The following OSBPL10 variants were observed in gnomAD, a reference collection of about 807,000 sequenced individuals.
The protein encoded by OSBPL10 is oxysterol binding protein like 10.
In OSBPL10, 49 loss-of-function variants were observed where a neutral mutation model predicts 81.7. That is an observed-to-expected ratio of 0.60 (90% confidence interval 0.48 to 0.76). OSBPL10 has a LOEUF of 0.76. Ranked by LOEUF, OSBPL10 falls within the 30% of genes least tolerant of loss-of-function variation. OSBPL10 has a pLI of 0.00. For synonymous variants in OSBPL10, 419 were observed against 383.6 expected, an observed-to-expected ratio of 1.09 and a Z score of -1.08; for missense variants, 923 against 987.8, an observed-to-expected ratio of 0.93 and a Z score of 0.88.
In OSBPL10 at chr3:31,837,746, C is replaced by T. The variant is rs187796983; in HGVS notation, c.538-7515G>A. On this transcript the variant is annotated intron_variant, in intron 3 of 11. Transcript: ENST00000396556. ...TTCCTTCATATCAACGATAACCAAT[C>T]AGAAAATAGAAAATAAGATATCATT... is the stretch of plus-strand genomic sequence containing the variant. Among the ~76,000 whole-genome samples, 12 of 149,778 alleles carry T rather than the reference C, an allele frequency of 8.0e-5. No individual in the cohort carries two copies. The East Asian group carries it at 2.2e-3, about 27-fold the overall frequency.
At chr3:31,862,652 T>C (rs1204017322) in intron 3 of OSBPL10, among the ~76,000 whole-genome samples, 1 of 152,194 alleles carries the variant, frequency 6.6e-6, no homozygotes, top group African/African-American at 2.4e-5. Context: ...CCGAAGAGTA[T>C]ATATGAATGG....
chr3:31,924,518 C>T (rs932993738), intron 1 of OSBPL10, among the ~76,000 whole-genome samples: 4 of 152,042 alleles, frequency 2.6e-5, no homozygotes, highest in African/African-American at 9.7e-5. Context: ...AAATCTCTCC[C>T]GTAAAATTGA....
At chr3:31,963,734 T>C (rs1050345796) in intron 1 of OSBPL10, among the ~76,000 whole-genome samples, 1 of 152,210 alleles carries the variant, frequency 6.6e-6, no homozygotes, top group African/African-American at 2.4e-5. Flanking sequence ...CTCCAAGATA[T>C]GACTTAGTCC....
chr3:31,964,016 C>T (rs1041565861), intron 1 of OSBPL10, among the ~76,000 whole-genome samples: 6 of 152,030 alleles, frequency 3.9e-5, no homozygotes, highest in African/African-American at 1.4e-4. Flanking sequence ...CAAAGCACAT[C>T]CAAACCAAGA....
intron 1 of OSBPL10, among the ~76,000 whole-genome samples, chr3:31,916,567 C>T (rs1696764999): frequency 6.6e-6 from 1 of 152,126 alleles, no homozygotes; most frequent in African/African-American, 2.4e-5. Flanking sequence ...TATCACCCAC[C>T]CCCACAAATG....
At chr3:31,808,321 A>G (rs1271264121) in intron 4 of OSBPL10, among the ~76,000 whole-genome samples, 2 of 152,220 alleles carry the variant, frequency 1.3e-5, no homozygotes, top group Non-Finnish European at 2.9e-5. Flanking sequence ...GATGGCCAGG[A>G]AAGGCTCACA....
chr3:32,039,071 T>C (rs775202637), intron 2 of OSBPL10, among the ~76,000 whole-genome samples: 1 of 152,128 alleles, frequency 6.6e-6, no homozygotes, highest in Non-Finnish European at 1.5e-5. Flanking sequence ...ATGCCTGTAA[T>C]CCTAGCACTT....
In OSBPL10 at chr3:31,944,843, A is replaced by T. The variant is rs1181903311; in HGVS notation, c.281+36056T>A. Among the ~76,000 whole-genome samples the T allele has an allele frequency of 7.7e-3, 526 of 68,420 alleles. 17 individuals carry two copies. Among genetic ancestry groups the T allele is most frequent in the African/African-American group, 0.077 (494 of 6,434 alleles). 44.9% of individuals were successfully genotyped at this position (68,420 alleles called of 152,430 possible). On this transcript the variant is annotated intron_variant, in intron 1 of 11. Coordinates refer to ENST00000396556, the MANE Select transcript of OSBPL10 (RefSeq NM_017784.5). ...AAGACCCCCTCTCTTTAAAAAAAAA[A>T]AAAAAAAAAAAAAAAAAAAAAAAAA...
intron 4 of OSBPL10, among the ~76,000 whole-genome samples, chr3:31,771,196 G>A (rs772663465): frequency 1.3e-5 from 2 of 152,122 alleles, no homozygotes; most frequent in Non-Finnish European, 2.9e-5. Flanking sequence ...AAGGTTAAAT[G>A]AGATTACACT....
chr3:32,006,225 C>T (rs979779841), intron 2 of OSBPL10, among the ~76,000 whole-genome samples: 4 of 151,804 alleles, frequency 2.6e-5, no homozygotes, highest in Non-Finnish European at 2.9e-5. Flanking sequence ...GGATTACAGG[C>T]GTGAGCCACC....
chr3:31,694,091 C>T (rs959640703), intron 7 of OSBPL10, among the ~76,000 whole-genome samples: 1 of 152,124 alleles, frequency 6.6e-6, no homozygotes, highest in South Asian at 2.1e-4. Flanking sequence ...TGTTTGCTGG[C>T]CGGGTGCAAA....
intron 3 of OSBPL10, among the ~76,000 whole-genome samples, chr3:31,864,070 A>G (rs1217238155): frequency 6.6e-6 from 1 of 152,212 alleles, no homozygotes; most frequent in African/African-American, 2.4e-5. Context: ...AGGATGCAGT[A>G]TGATTTCCCC....
chr3:31,972,785 A>G (rs569665227), intron 1 of OSBPL10, among the ~76,000 whole-genome samples: 7 of 152,182 alleles, frequency 4.6e-5, no homozygotes, highest in African/African-American at 7.2e-5. Flanking sequence ...TTGTATTTTC[A>G]TCAATATATT....
chr3:31,672,110 C>T (rs1332605701), intron 8 of OSBPL10, among the ~76,000 whole-genome samples: 2 of 152,034 alleles, frequency 1.3e-5, no homozygotes, highest in East Asian at 3.9e-4. Flanking sequence ...GGCTTCCAGT[C>T]CTCCAGTGGA....
At chr3:32,049,681 C>T (rs1024538494) in intron 1 of OSBPL10, among the ~76,000 whole-genome samples, 3 of 152,164 alleles carry the variant, frequency 2.0e-5, no homozygotes, top group African/African-American at 7.2e-5. Context: ...ATTAATCTGC[C>T]TTGTACTCTC....
chr3:31,887,377 A>C (rs913573116), intron 1 of OSBPL10, among the ~76,000 whole-genome samples: 5 of 152,214 alleles, frequency 3.3e-5, no homozygotes, highest in Non-Finnish European at 5.9e-5. Context: ...TTTAAAATTA[A>C]TATCATCTGG....
chr3:31,748,458 A>G lies in OSBPL10; in HGVS notation c.730-338T>C, dbSNP rs574534147. On this transcript the variant is annotated intron_variant, in intron 4 of 11. Coordinates refer to ENST00000396556, the MANE Select transcript of OSBPL10 (RefSeq NM_017784.5). ...CAACCACCTTTAGAGTCCTTCTTCTACGGAAGGTTATCTGAGACAGCAGGC... is the reference window on the plus strand; with the variant it reads ...CAACCACCTTTAGAGTCCTTCTTCTGCGGAAGGTTATCTGAGACAGCAGGC... Among the ~76,000 whole-genome samples the G allele has an allele frequency of 2.0e-5, 3 of 152,230 alleles. No individual in the cohort carries two copies. The Middle Eastern group carries it at 0.01, about 518-fold the overall frequency.
intron 8 of OSBPL10, among the ~76,000 whole-genome samples, chr3:31,672,083 C>T (rs1056328220): frequency 9.4e-6 from 1 of 106,278 alleles, no homozygotes; most frequent in Non-Finnish European, 1.7e-5. Context: ...AGGTGGTTAG[C>T]GACCGGCACC....
At chr3:31,912,755 T>C (rs1033726694) in intron 1 of OSBPL10, among the ~76,000 whole-genome samples, 2 of 152,128 alleles carry the variant, frequency 1.3e-5, no homozygotes, top group Admixed American at 6.5e-5. Flanking sequence ...CCTTGGAAGA[T>C]ACACTACCCA....
Sources: gnomAD v4.1 joint callset for allele counts (sites outside exome capture counted in the v4.1 genomes callset) on GRCh38, gnomAD v4.1.1 for gene constraint, MANE v1.5 for transcripts, NCBI Gene and HGNC (gene_info 2026-07-23, HGNC 2026-07-21) for gene names.